Variants in RABGEF1 observed in about 807,000 individuals in gnomAD.
The protein encoded by RABGEF1 is rab5 GDP/GTP exchange factor.
RABGEF1 carries 26 observed loss-of-function variants against 57.3 expected under a neutral mutation model. The observed-to-expected ratio is 0.45, with a 90% confidence interval of 0.33 to 0.63. RABGEF1 has a LOEUF of 0.63. RABGEF1 is among the 20% of genes least tolerant of loss of function. The pLI is 0.02. For synonymous variants in RABGEF1, 185 were observed against 210.7 expected (o/e 0.88, Z 1.06); for missense variants, 464 against 607.6 (o/e 0.76, Z 2.48).
chr7:66,718,909 TTAACTC>T (rs747401548), intron 2 of RABGEF1, among the ~76,000 whole-genome samples: 6 of 152,246 alleles, frequency 3.9e-5, no homozygotes, highest in Non-Finnish European at 7.3e-5. Context: ...CCCTAGTCCT[TTAACTC>T]TAAAGCCAGG....
At chr7:66,706,938 C>T (rs1311465380) in intron 1 of RABGEF1, among the ~76,000 whole-genome samples, 4 of 151,426 alleles carry the variant, frequency 2.6e-5, no homozygotes, top group South Asian at 2.1e-4. Flanking sequence ...CCCACGACCA[C>T]GCCTGGCTAA....
intron 2 of RABGEF1, among the ~76,000 whole-genome samples, chr7:66,728,189 C>T (rs1796810116): frequency 6.6e-6 from 1 of 152,200 alleles, no homozygotes; most frequent in Non-Finnish European, 1.5e-5. Context: ...TTGGGAGGGC[C>T]TATCCCTAAG....
At chr7:66,702,662 G>C (rs1379903818) in intron 1 of RABGEF1, among the ~76,000 whole-genome samples, 1 of 152,022 alleles carries the variant, frequency 6.6e-6, no homozygotes, top group Non-Finnish European at 1.5e-5. Context: ...TTTGATTATA[G>C]TCATCTTCAT....
At chr7:66,768,330 A>G (rs576341653) in intron 1 of RABGEF1, among the ~76,000 whole-genome samples, 5 of 152,294 alleles carry the variant, frequency 3.3e-5, no homozygotes, top group East Asian at 1.9e-4. Context: ...ACCAGTGTAT[A>G]TATCTTCTTT....
chr7:66,797,989 C>T (rs1340184630), intron 6 of RABGEF1, among the ~76,000 whole-genome samples: 4 of 151,994 alleles, frequency 2.6e-5, no homozygotes, highest in Admixed American at 6.6e-5. Context: ...TGGTGGCGCA[C>T]GCCTGTGATC....
chr7:66,769,804 G>A (rs1806629644), intron 1 of RABGEF1, among the ~76,000 whole-genome samples: 1 of 152,160 alleles, frequency 6.6e-6, no homozygotes, highest in Non-Finnish European at 1.5e-5. Context: ...GTTTTAAAAA[G>A]CCATCATGAT....
intron 1 of RABGEF1, among the ~76,000 whole-genome samples, chr7:66,711,699 G>C (rs953652182): frequency 5.9e-5 from 9 of 151,602 alleles, no homozygotes; most frequent in African/African-American, 2.2e-4. Flanking sequence ...CCATTGTCCT[G>C]CCTCAGCCTC....
intron 1 of RABGEF1, among the ~76,000 whole-genome samples, chr7:66,751,473 A>T (rs1435132488): frequency 6.6e-6 from 1 of 152,198 alleles, no homozygotes; most frequent in East Asian, 1.9e-4. Context: ...CATCGTGAAT[A>T]CAGTAAGGGT....
chr7:66,797,473 A>G lies in RABGEF1; in HGVS notation c.695A>G (p.Glu232Gly). ...TTCTGTCCAGAAACTACTGATGATG[A>G]GAAGAAAGATCTTGCCATTCAAAAG... ...YVFCPETTDDEKKDLAIQKRI... is the reference protein window; with the variant it reads ...YVFCPETTDDGKKDLAIQKRI... The change falls in exon 6 of 9, where the codon GAG becomes GGG. Residue 232 changes from glutamate to glycine, a missense_variant. Glu to Gly is a moderately conservative substitution (Grantham distance 98). Coordinates refer to ENST00000284957, the MANE Select transcript of RABGEF1 (RefSeq NM_014504.3). 6.2e-7 allele frequency: 1 copy of G among 1,611,162 alleles called. No individual in the cohort carries two copies. The highest frequency in any genetic ancestry group is 8.5e-7 in the Non-Finnish European group (1 of 1,179,542).
intron 2 of RABGEF1, among the ~76,000 whole-genome samples, chr7:66,720,948 T>TAC (rs1253890880): frequency 6.6e-6 from 1 of 152,176 alleles, no homozygotes; most frequent in Non-Finnish European, 1.5e-5. Flanking sequence ...GACAGAGTCT[T>TAC]ACTCTGTCGC....
chr7:66,682,732 C>A (rs1257867762), intron 1 of RABGEF1, among the ~76,000 whole-genome samples: 1 of 152,290 alleles, frequency 6.6e-6, no homozygotes, highest in Non-Finnish European at 1.5e-5. Flanking sequence ...TTTGATCCCG[C>A]GTCGCCCTGG....
At chr7:66,705,062 G>T (rs914291737) in intron 1 of RABGEF1, among the ~76,000 whole-genome samples, 3 of 152,012 alleles carry the variant, frequency 2.0e-5, no homozygotes, top group Non-Finnish European at 4.4e-5. Context: ...AAATGGGAAT[G>T]TATTTTTCAC....
intron 4 of RABGEF1, among the ~76,000 whole-genome samples, chr7:66,784,617 A>T: frequency 6.6e-6 from 1 of 152,268 alleles, no homozygotes; most frequent in Middle Eastern, 3.2e-3. Flanking sequence ...TTAGAAAAGC[A>T]GCAGGGTGTT....
chr7:66,656,208 C>T, the RABGEF1 span, among the ~76,000 whole-genome samples: 3 of 152,138 alleles, frequency 2.0e-5, no homozygotes, highest in Non-Finnish European at 4.4e-5. Flanking sequence ...TCTCAACTGC[C>T]TGTGCTCAAG....
intron 1 of RABGEF1, among the ~76,000 whole-genome samples, chr7:66,687,111 G>A (rs1231024687): frequency 2.9e-5 from 4 of 136,026 alleles, no homozygotes; most frequent in Admixed American, 7.9e-5. Context: ...CACCACGCCC[G>A]GCTTTTTTTT....
intron 1 of RABGEF1, among the ~76,000 whole-genome samples, chr7:66,765,957 T>C (rs1264594406): frequency 6.6e-6 from 1 of 152,154 alleles, no homozygotes; most frequent in African/African-American, 2.4e-5. Flanking sequence ...TAGTACAAAA[T>C]TTAAAAAAAC....
At chr7:66,764,660 C>T (rs1432977776) in intron 1 of RABGEF1, among the ~76,000 whole-genome samples, 1 of 152,194 alleles carries the variant, frequency 6.6e-6, no homozygotes, top group Non-Finnish European at 1.5e-5. Context: ...TAACATCTAA[C>T]ATCGTTCTTT....
At chr7:66,743,829 G>T (rs1331813068) in intron 1 of RABGEF1, among the ~76,000 whole-genome samples, 2 of 151,892 alleles carry the variant, frequency 1.3e-5, no homozygotes, top group Non-Finnish European at 2.9e-5. Context: ...TGGAATCCTT[G>T]TATGTTTCCC....
intron 1 of RABGEF1, among the ~76,000 whole-genome samples, chr7:66,683,123 A>C (rs1024338438): frequency 6.6e-6 from 1 of 152,144 alleles, no homozygotes; most frequent in African/African-American, 2.4e-5. Context: ...TCCCCTCTCT[A>C]AATCTAAAAC....
Sources: allele counts gnomAD v4.1 joint callset (sites outside exome capture counted in the v4.1 genomes callset), GRCh38; gene constraint gnomAD v4.1.1; transcripts MANE v1.5; gene names NCBI Gene and HGNC (gene_info 2026-07-23, HGNC 2026-07-21).